Variants in GRK5 observed in about 807,000 individuals in gnomAD.
The protein encoded by GRK5 is G protein-coupled receptor kinase 5.
A neutral mutation model predicts 78.4 loss-of-function variants in GRK5; 40 were observed. The observed-to-expected ratio is 0.51, with a 90% CI of 0.40 to 0.66. The LOEUF (loss-of-function observed/expected upper bound fraction) is 0.66, where lower values mean the gene tolerates loss of function less well. GRK5 is among the 30% of genes least tolerant of loss of function. The pLI is 0.00. For missense variants in GRK5, 598 were observed against 759.9 expected, an observed-to-expected ratio of 0.79 and a Z score of 2.50; for synonymous variants, 289 against 296.8, an observed-to-expected ratio of 0.97 and a Z score of 0.27.
intron 1 of GRK5, among the ~76,000 whole-genome samples, chr10:119,284,371 C>T (rs753004576): frequency 7.9e-5 from 12 of 152,072 alleles, no homozygotes; most frequent in Non-Finnish European, 1.6e-4. Context: ...GGGCTGGTCT[C>T]AAACAGTTCT....
intron 1 of GRK5, among the ~76,000 whole-genome samples, chr10:119,229,816 C>T (rs1463593367): frequency 1.3e-5 from 2 of 152,188 alleles, no homozygotes; most frequent in Non-Finnish European, 2.9e-5. Context: ...CTGGTGCAGG[C>T]TCTGTGAAGG....
intron 2 of GRK5, among the ~76,000 whole-genome samples, chr10:119,347,406 C>T (rs542233912): frequency 9.3e-5 from 14 of 150,162 alleles, no homozygotes; most frequent in African/African-American, 3.2e-4. Context: ...CATGTGTGTG[C>T]GTGTGTATAC....
At chr10:119,399,244 G>A (rs1487742601) in intron 4 of GRK5, among the ~76,000 whole-genome samples, 7 of 152,212 alleles carry the variant, frequency 4.6e-5, no homozygotes, top group Middle Eastern at 3.2e-3. Flanking sequence ...GGAGGTGGTT[G>A]ATCCATGCCT....
At chr10:119,447,417 G>A (rs539338271) in intron 12 of GRK5, among the ~76,000 whole-genome samples, 3 of 151,892 alleles carry the variant, frequency 2.0e-5, no homozygotes, top group Non-Finnish European at 4.4e-5. Context: ...TAAGTCAAAC[G>A]TGTTTTGGGT....
intron 1 of GRK5, among the ~76,000 whole-genome samples, chr10:119,299,312 C>T (rs976557367): frequency 4.0e-5 from 6 of 151,772 alleles, no homozygotes; most frequent in South Asian, 2.1e-4. Flanking sequence ...GGCGGGGTGG[C>T]GGGCACCTGT....
At chr10:119,447,720 G>A (rs1853184215) in intron 12 of GRK5, among the ~76,000 whole-genome samples, 1 of 152,102 alleles carries the variant, frequency 6.6e-6, no homozygotes, top group Non-Finnish European at 1.5e-5. Context: ...TCTCTGTCAG[G>A]AAGGGGCTTG....
At chr10:119,359,103 C>T (rs1383158441) in intron 2 of GRK5, among the ~76,000 whole-genome samples, 1 of 152,208 alleles carries the variant, frequency 6.6e-6, no homozygotes, top group Non-Finnish European at 1.5e-5. Flanking sequence ...CCTGAGCCCC[C>T]TCCACTGTTT....
chr10:119,306,433 G>T (rs533035982), intron 1 of GRK5, among the ~76,000 whole-genome samples: 1 of 152,200 alleles, frequency 6.6e-6, no homozygotes, highest in South Asian at 2.1e-4. Context: ...ACTTGGTCAG[G>T]GGCTCCTGGA....
At chr10:119,397,217 A>T (rs1283710412) in intron 4 of GRK5, among the ~76,000 whole-genome samples, 2 of 152,218 alleles carry the variant, frequency 1.3e-5, no homozygotes, top group Non-Finnish European at 2.9e-5. Context: ...AATGAAGAGA[A>T]TTCTGAAACA....
At chr10:119,214,854 T>C (rs1848545472) in intron 1 of GRK5, among the ~76,000 whole-genome samples, 1 of 152,096 alleles carries the variant, frequency 6.6e-6, no homozygotes, top group African/African-American at 2.4e-5. Context: ...TTCCTAGAAA[T>C]GGAAACCATT....
chr10:119,293,932 C>T (rs1377445932), intron 1 of GRK5, among the ~76,000 whole-genome samples: 2 of 152,174 alleles, frequency 1.3e-5, no homozygotes, highest in Non-Finnish European at 2.9e-5. Flanking sequence ...TTTTCAGATG[C>T]TTGACAATCA....
At chr10:119,213,083 G>T (rs1311823313) in intron 1 of GRK5, 1 of 152,294 alleles carries the variant, frequency 6.6e-6, no homozygotes, top group East Asian at 1.9e-4. Context: ...CTGATCAGCA[G>T]TGGGACTGCA....
At chr10:119,219,540 G>T (rs961478280) in intron 1 of GRK5, among the ~76,000 whole-genome samples, 12 of 152,194 alleles carry the variant, frequency 7.9e-5, no homozygotes, top group Admixed American at 5.2e-4. Flanking sequence ...TGATGGTGAA[G>T]AAGAGAGCCG....
chr10:119,446,439 G>C (rs1853149229), intron 12 of GRK5, among the ~76,000 whole-genome samples: 1 of 152,186 alleles, frequency 6.6e-6, no homozygotes, highest in African/African-American at 2.4e-5. Flanking sequence ...GGCAGGAGCT[G>C]ACACATAGCC....
chr10:119,259,399 G>A (rs1427112950), intron 1 of GRK5, among the ~76,000 whole-genome samples: 1 of 152,194 alleles, frequency 6.6e-6, no homozygotes, highest in Non-Finnish European at 1.5e-5. Flanking sequence ...CTGTCTACTG[G>A]TGGCTTCCTT....
At chr10:119,403,873 G>C (rs529204306) in intron 4 of GRK5, among the ~76,000 whole-genome samples, 5 of 152,264 alleles carry the variant, frequency 3.3e-5, no homozygotes, top group African/African-American at 1.2e-4. Flanking sequence ...GGCCTCAAGT[G>C]ATCCACCCTC....
chr10:119,444,333 G>A (rs1853101020), intron 12 of GRK5, among the ~76,000 whole-genome samples: 1 of 152,188 alleles, frequency 6.6e-6, no homozygotes, highest in South Asian at 2.1e-4. Flanking sequence ...GGTGGGTGGG[G>A]CCAGATGGGG....
chr10:119,326,693 T>C, intron 2 of GRK5, 82 bp downstream of exon 2: 1 of 1,038,758 alleles, frequency 9.6e-7, no homozygotes, highest in Non-Finnish European at 1.5e-6. Context: ...GGCAAATGGG[T>C]GAGCCGCCAA....
chr10:119,297,248 T>G (rs557621707), intron 1 of GRK5, among the ~76,000 whole-genome samples: 1 of 152,304 alleles, frequency 6.6e-6, no homozygotes, highest in African/African-American at 2.4e-5. Flanking sequence ...GAAAATGAAA[T>G]GTGATGAAGC....
Sources: gnomAD v4.1 joint callset for allele counts (sites outside exome capture counted in the v4.1 genomes callset) on GRCh38, gnomAD v4.1.1 for gene constraint, MANE v1.5 for transcripts, NCBI Gene and HGNC (gene_info 2026-07-23, HGNC 2026-07-21) for gene names.